CABCOCO1: variants seen among roughly 807,000 people sequenced by gnomAD.
CABCOCO1 encodes the protein ciliary-associated calcium-binding coiled-coil protein 1.
In CABCOCO1, 28 loss-of-function variants were observed where a neutral mutation model predicts 35.7. The observed-to-expected ratio is 0.78, with a 90% confidence interval of 0.58 to 1.07. The LOEUF (loss-of-function observed/expected upper bound fraction) is 1.07. CABCOCO1 is among the 50% of genes least tolerant of loss of function. The pLI, the probability that CABCOCO1 is intolerant of heterozygous loss-of-function variation, is 0.00. For missense variants in CABCOCO1, 326 were observed against 309.2 expected (o/e 1.05, Z -0.41); for synonymous variants, 95 against 100.1 (o/e 0.95, Z 0.30).
intron 5 of CABCOCO1, among the ~76,000 whole-genome samples, chr10:61,705,708 C>T (rs989992952): frequency 6.6e-6 from 1 of 152,212 alleles, no homozygotes; most frequent in South Asian, 2.1e-4. Flanking sequence ...CTAGGCATAA[C>T]ATGTTAACTA....
intron 5 of CABCOCO1, among the ~76,000 whole-genome samples, chr10:61,713,370 A>G (rs1394246980): frequency 6.6e-6 from 1 of 152,186 alleles, no homozygotes; most frequent in Admixed American, 6.5e-5. Context: ...TTGTATCCTG[A>G]GACTTTGCTG....
At chr10:61,757,327 T>C (rs1015824398) in intron 5 of CABCOCO1, among the ~76,000 whole-genome samples, 1 of 152,060 alleles carries the variant, frequency 6.6e-6, no homozygotes, top group African/African-American at 2.4e-5. Context: ...GATAATGTAC[T>C]TTATTATTAT....
chr10:61,687,263 G>A (rs1839993238), intron 4 of CABCOCO1, among the ~76,000 whole-genome samples: 1 of 152,148 alleles, frequency 6.6e-6, no homozygotes, highest in African/African-American at 2.4e-5. Context: ...ATAAAAGCCA[G>A]AGTAGTTTTC....
chr10:61,718,784 A>G (rs1840928034), intron 5 of CABCOCO1, among the ~76,000 whole-genome samples: 1 of 152,210 alleles, frequency 6.6e-6, no homozygotes, highest in South Asian at 2.1e-4. Context: ...GTATTAATAT[A>G]TATATTATTT....
At chr10:61,749,759 G>T (rs558510626) in intron 5 of CABCOCO1, among the ~76,000 whole-genome samples, 16 of 152,278 alleles carry the variant, frequency 1.1e-4, no homozygotes, top group African/African-American at 3.6e-4. Context: ...ATAGATCCGG[G>T]TTCTATTTCT....
At chr10:61,701,090 A>T (rs1214898444) in intron 5 of CABCOCO1, among the ~76,000 whole-genome samples, 1 of 152,064 alleles carries the variant, frequency 6.6e-6, no homozygotes, top group Non-Finnish European at 1.5e-5. Flanking sequence ...GGTATACCAG[A>T]TCATCTTCAC....
intron 5 of CABCOCO1, among the ~76,000 whole-genome samples, chr10:61,714,055 C>T (rs1283299953): frequency 2.0e-5 from 3 of 152,098 alleles, no homozygotes; most frequent in African/African-American, 7.2e-5. Flanking sequence ...CCCTCTTTTT[C>T]TATTGATTGG....
intron 5 of CABCOCO1, among the ~76,000 whole-genome samples, chr10:61,698,098 A>T (rs997874702): frequency 4.6e-5 from 7 of 152,128 alleles, no homozygotes; most frequent in Admixed American, 1.3e-4. Context: ...GATCATTTGT[A>T]TTTTCAAAGG....
rs186774461 is a variant in CABCOCO1 at position 61,735,523 on chromosome 10, T to G, written c.553-24536T>G. Among the ~76,000 whole-genome samples, 46 of 152,208 alleles carry G rather than the reference T, an allele frequency of 3.0e-4. No individual in the cohort carries two copies. In the East Asian group the frequency reaches 8.5e-3, roughly 28 times the overall value. The stretch of plus-strand genomic sequence containing the variant: ...TGGAGCTTCTGTTGTCCTATGGAGG[T>G]CTTGCTGAAAAAGACGAGGGCCTTG... On this transcript the variant is annotated intron_variant, in intron 5 of 7. Coordinates refer to ENST00000648843, the MANE Select transcript of CABCOCO1 (RefSeq NM_001366906.2).
Position 61,711,408 on chromosome 10 carries a change from A to T in CABCOCO1, c.552+20787A>T, listed in dbSNP as rs190392392. 2.0e-3 allele frequency among the ~76,000 whole-genome samples: 298 copies of T among 152,056 alleles called. 3 individuals carry two copies. The highest frequency in any genetic ancestry group is 6.8e-3 in the African/African-American group (282 of 41,494). ...GTGAGAAAGAAGGTGATTTCCTAAT[A>T]AAAAAAGGCACCAAATCATCAAGAG... On this transcript the variant is annotated intron_variant, in intron 5 of 7. Coordinates refer to ENST00000648843, the MANE Select transcript of CABCOCO1 (RefSeq NM_001366906.2).
At chr10:61,714,265 C>T (rs2132033303) in intron 5 of CABCOCO1, among the ~76,000 whole-genome samples, 1 of 152,182 alleles carries the variant, frequency 6.6e-6, no homozygotes, top group Admixed American at 6.5e-5. Flanking sequence ...AGGAATATAT[C>T]CATTTCTTGT....
intron 1 of CABCOCO1, among the ~76,000 whole-genome samples, chr10:61,672,196 G>A (rs1839380914): frequency 6.6e-6 from 1 of 152,102 alleles, no homozygotes; most frequent in South Asian, 2.1e-4. Flanking sequence ...GCCTATGCTT[G>A]TCCTTTCTTT....
chr10:61,722,951 C>A (rs533724191), intron 5 of CABCOCO1, among the ~76,000 whole-genome samples: 1 of 152,112 alleles, frequency 6.6e-6, no homozygotes, highest in South Asian at 2.1e-4. Flanking sequence ...ATAATTGACC[C>A]GTATTTAACA....
chr10:61,745,509 T>C (rs1328208969), intron 5 of CABCOCO1, among the ~76,000 whole-genome samples: 1 of 152,212 alleles, frequency 6.6e-6, no homozygotes. Context: ...TCTACCCCTA[T>C]GGCCCAACTG....
At chr10:61,725,557 A>C (rs1184669093) in intron 5 of CABCOCO1, among the ~76,000 whole-genome samples, 1 of 148,704 alleles carries the variant, frequency 6.7e-6, no homozygotes, top group Non-Finnish European at 1.5e-5. Flanking sequence ...GGAACTGAAC[A>C]ATGAGAACAC....
rs1380683288 is a variant in CABCOCO1, at chr10:61,681,242, A to G, written c.264A>G (p.Gly88=). ...YYVSGFLWAR[G]MDFSIIQYSK... is the part of the protein sequence containing the mutation. ...TATCTGGATTTTTGTGGGCTAGAGG[A>G]ATGGATTTCTCTATTATTCAGTATT... The change falls in exon 3 of 8, where the codon GGA becomes GGG. Residue 88 remains glycine (G), a synonymous_variant. Coordinates refer to ENST00000648843, the MANE Select transcript of CABCOCO1 (RefSeq NM_001366906.2). The G allele has an allele frequency of 6.4e-6, 10 of 1,572,496 alleles. No individual in the cohort carries two copies. In the Admixed American group the frequency reaches 1.8e-4, roughly 28 times the overall value.
At chr10:61,697,793 CAG>C (rs1840335338) in intron 5 of CABCOCO1, among the ~76,000 whole-genome samples, 1 of 152,016 alleles carries the variant, frequency 6.6e-6, no homozygotes, top group South Asian at 2.1e-4. Flanking sequence ...TATTGATAGA[CAG>C]AGTGACTTCA....
At position 61,712,803 on chromosome 10, in the gene CABCOCO1, T is replaced by G. The variant is rs1347188735; in HGVS notation, c.552+22182T>G. On this transcript the variant is annotated intron_variant, in intron 5 of 7. Transcript: ENST00000648843. ...TTGTTTTTGTCAGGTTTGTCAAAGA[T>G]CCGATGGTTGTAGATGTGTGGTGTT... Among the ~76,000 whole-genome samples the G allele has an allele frequency of 2.6e-5, 4 of 152,338 alleles. No individual in the cohort carries two copies. The East Asian group carries it at 7.7e-4, about 29-fold the overall frequency.
At position 61,686,426 on chromosome 10, in the gene CABCOCO1, G is replaced by C. The variant is rs141412796; in HGVS notation, c.479+241G>C. Among the ~76,000 whole-genome samples, 252 of 152,072 alleles carry C rather than the reference G, an allele frequency of 1.7e-3. 2 individuals are homozygous for C. Among genetic ancestry groups the C allele is most frequent in the African/African-American group, 5.9e-3 (244 of 41,504 alleles). On this transcript the variant is annotated intron_variant, in intron 4 of 7. Transcript: ENST00000648843. ...TAACTTTGCATTCCCAAAAAAAAAG[G>C]TTTGCGTTTGATAAATATAATTTTA...
Sources: allele counts gnomAD v4.1 joint callset (sites outside exome capture counted in the v4.1 genomes callset), GRCh38; gene constraint gnomAD v4.1.1; transcripts MANE v1.5; gene names NCBI Gene and HGNC (gene_info 2026-07-23, HGNC 2026-07-21).